The following IQCJ variants were observed in gnomAD, a reference collection of about 807,000 sequenced individuals.
IQCJ encodes the protein IQ motif containing J, also known as IQ domain-containing protein J.
A neutral mutation model predicts 11.0 loss-of-function variants in IQCJ; 9 were observed. That is an observed-to-expected ratio of 0.82 (90% CI 0.49 to 1.43). The LOEUF (loss-of-function observed/expected upper bound fraction) is 1.43. Among genes scored for constraint, IQCJ ranks in the 40% most tolerant of loss-of-function variants. IQCJ has a pLI of 0.00. For synonymous variants in IQCJ, 55 were observed against 51.3 expected (o/e 1.07, Z -0.31); for missense variants, 146 against 133.2 (o/e 1.10, Z -0.47).
intron 1 of IQCJ, among the ~76,000 whole-genome samples, chr3:159,215,300 G>A (rs1427824574): frequency 6.6e-6 from 1 of 152,154 alleles, no homozygotes; most frequent in African/African-American, 2.4e-5. Flanking sequence ...CAGAGACAGG[G>A]AAGCTTCCTT....
At chr3:159,091,685 CACA>C in intron 1 of IQCJ, among the ~76,000 whole-genome samples, 1 of 144,434 alleles carries the variant, frequency 6.9e-6, no homozygotes, top group Non-Finnish European at 1.5e-5. Context: ...CACACACACA[CACA>C]CACACACACA....
At chr3:159,102,222 A>G (rs1717977321) in intron 1 of IQCJ, among the ~76,000 whole-genome samples, 1 of 152,220 alleles carries the variant, frequency 6.6e-6, no homozygotes, top group African/African-American at 2.4e-5. Flanking sequence ...GAAAGCAGAA[A>G]TCTTCTCTCT....
At chr3:159,186,306 A>G (rs558132768) in intron 1 of IQCJ, among the ~76,000 whole-genome samples, 135 of 152,310 alleles carry the variant, frequency 8.9e-4, no homozygotes, top group African/African-American at 2.8e-3. Context: ...GGAATGAAGG[A>G]CTTTTTGAAT....
intron 1 of IQCJ, among the ~76,000 whole-genome samples, chr3:159,171,062 A>C (rs943839569): frequency 1.3e-5 from 2 of 152,162 alleles, no homozygotes; most frequent in African/African-American, 4.8e-5. Context: ...GCATGGACTA[A>C]AACATCCAAA....
At chr3:159,165,906 G>A (rs553727122) in intron 1 of IQCJ, among the ~76,000 whole-genome samples, 16 of 151,362 alleles carry the variant, frequency 1.1e-4, no homozygotes, top group Admixed American at 7.3e-4. Context: ...TGGGATTCAG[G>A]CATGAGCCAC....
At chr3:159,163,968 A>T (rs1009221396) in intron 1 of IQCJ, among the ~76,000 whole-genome samples, 4 of 152,240 alleles carry the variant, frequency 2.6e-5, no homozygotes, top group African/African-American at 9.6e-5. Context: ...TTAACTTACA[A>T]AAGCTTAGAA....
At chr3:159,177,148 A>G (rs1722841052) in intron 1 of IQCJ, among the ~76,000 whole-genome samples, 1 of 152,228 alleles carries the variant, frequency 6.6e-6, no homozygotes, top group Non-Finnish European at 1.5e-5. Flanking sequence ...TTCCAGGCCA[A>G]AGAATTAATA....
intron 1 of IQCJ, among the ~76,000 whole-genome samples, chr3:159,148,653 A>G (rs930511501): frequency 6.6e-6 from 1 of 152,168 alleles, no homozygotes; most frequent in Non-Finnish European, 1.5e-5. Context: ...ATCTTTTCCT[A>G]ATGGCAGTGA....
intron 1 of IQCJ, among the ~76,000 whole-genome samples, chr3:159,114,924 C>A (rs969735997): frequency 2.0e-5 from 3 of 152,146 alleles, no homozygotes; most frequent in African/African-American, 7.2e-5. Flanking sequence ...TGCCCCCCTG[C>A]CCCCGGGGCT....
intron 1 of IQCJ, among the ~76,000 whole-genome samples, chr3:159,153,333 C>G (rs1721335900): frequency 6.6e-6 from 1 of 152,122 alleles, no homozygotes; most frequent in African/African-American, 2.4e-5. Context: ...AACGGAAACC[C>G]TCTGTTTCCT....
chr3:159,187,467 C>A (rs560334815), intron 1 of IQCJ, among the ~76,000 whole-genome samples: 1 of 152,364 alleles, frequency 6.6e-6, no homozygotes, highest in Non-Finnish European at 1.5e-5. Flanking sequence ...GCTGTGACTA[C>A]ACGTCCTTTT....
intron 1 of IQCJ, among the ~76,000 whole-genome samples, chr3:159,195,041 G>A (rs144152585): frequency 1.3e-5 from 2 of 152,106 alleles, no homozygotes; most frequent in Non-Finnish European, 2.9e-5. Flanking sequence ...AACCCGGGAG[G>A]CGGAGGTTGC....
At position 159,129,069 on chromosome 3, in the gene IQCJ, C is replaced by G. The variant is rs145027760; in HGVS notation, c.9+59628C>G. Among the ~76,000 whole-genome samples, 491 of 152,232 alleles carry G rather than the reference C, an allele frequency of 3.2e-3. 3 individuals are homozygous for G. The highest frequency in any genetic ancestry group is 0.011 in the African/African-American group (455 of 41,530). ...ACAACAATAACAACAAATTTTTCAACTTTTATGAAAAATTACTATAACAAC... is the reference window on the plus strand; with the variant it reads ...ACAACAATAACAACAAATTTTTCAAGTTTTATGAAAAATTACTATAACAAC... On this transcript the variant is annotated intron_variant, in intron 1 of 3. Transcript: ENST00000397832.
intron 1 of IQCJ, among the ~76,000 whole-genome samples, chr3:159,085,684 T>C (rs1266311104): frequency 2.0e-5 from 3 of 151,582 alleles, no homozygotes; most frequent in African/African-American, 4.9e-5. Flanking sequence ...ATAAGCATTT[T>C]TTCATGTGTT....
chr3:159,216,087 T>G lies in IQCJ; in HGVS notation c.10-29756T>G, dbSNP rs190448139. ...GAGAAAAAGAAAGCGTGTGTGTGTG[T>G]GGGGCGGGGGGTGGGTGGATGGAGA... On this transcript the variant is annotated intron_variant, in intron 1 of 3. Transcript: ENST00000397832. Among the ~76,000 whole-genome samples the G allele has an allele frequency of 6.5e-3, 770 of 118,846 alleles. 9 individuals are homozygous for G. Among genetic ancestry groups the G allele is most frequent in the African/African-American group, 0.021 (650 of 31,392 alleles). 78.0% of individuals were successfully genotyped at this position (118,846 alleles called of 152,430 possible).
intron 1 of IQCJ, among the ~76,000 whole-genome samples, chr3:159,148,016 AGAAC>A (rs1325231777): frequency 6.6e-6 from 1 of 152,268 alleles, no homozygotes; most frequent in Non-Finnish European, 1.5e-5. Flanking sequence ...GCCCCACCCC[AGAAC>A]TGCTGAATCA....
In IQCJ at chr3:159,172,434, T is replaced by C. The variant is rs910267978; in HGVS notation, c.10-73409T>C. On this transcript the variant is annotated intron_variant, in intron 1 of 3. Coordinates refer to ENST00000397832, the MANE Select transcript of IQCJ (RefSeq NM_001042706.3). Reference sequence around the variant, plus strand: ...AAGATGATGGAATTTTTTTTTTCCTTCCAAATTTTCTTTGACTGTGTTTAT... The same window carrying C: ...AAGATGATGGAATTTTTTTTTTCCTCCCAAATTTTCTTTGACTGTGTTTAT... Among the ~76,000 whole-genome samples the C allele has an allele frequency of 3.9e-5, 6 of 152,036 alleles. No individual in the cohort carries two copies. The East Asian group carries it at 1.2e-3, about 29-fold the overall frequency.
chr3:159,075,066 CAT>C lies in IQCJ; in HGVS notation c.9+5626_9+5627del, dbSNP rs530465489. On this transcript the variant is annotated intron_variant, in intron 1 of 3. Transcript: ENST00000397832. ...TTTGCAAATAAAGATTCACATTATA[CAT>C]GATTGTGACACATAATTAAAAACTC... Among the ~76,000 whole-genome samples, 48 of 152,206 alleles carry C rather than the reference CAT, an allele frequency of 3.2e-4. No individual in the cohort carries two copies. In the South Asian group the frequency reaches 5.6e-3, roughly 18 times the overall value.
intron 1 of IQCJ, among the ~76,000 whole-genome samples, chr3:159,090,773 T>C (rs1717218445): frequency 6.6e-6 from 1 of 151,820 alleles, no homozygotes; most frequent in Non-Finnish European, 1.5e-5. Context: ...TCACAGCCCA[T>C]TTGCCTGACC....
Sources: allele counts gnomAD v4.1 joint callset (sites outside exome capture counted in the v4.1 genomes callset), GRCh38; gene constraint gnomAD v4.1.1; transcripts MANE v1.5; gene names NCBI Gene and HGNC (gene_info 2026-07-23, HGNC 2026-07-21).